LRRC28: variants seen among roughly 807,000 people sequenced by gnomAD.
The protein encoded by LRRC28 is leucine-rich repeat-containing protein 28.
Under a neutral mutation model 45.7 loss-of-function variants are expected in LRRC28, and 39 were observed. The ratio of observed to expected loss-of-function variants is 0.85; its 90% CI spans 0.66 to 1.12. The LOEUF (loss-of-function observed/expected upper bound fraction) is 1.12. Ranked by LOEUF, LRRC28 falls within the 50% of genes most tolerant of loss-of-function variation. The pLI, the probability that LRRC28 is intolerant of heterozygous loss-of-function variation, is 0.00. For synonymous variants in LRRC28, 206 were observed against 178.8 expected (o/e 1.15, Z -1.22); for missense variants, 435 against 438.5 (o/e 0.99, Z 0.07).
chr15:99,341,215 C>T (rs545116243), intron 6 of LRRC28, among the ~76,000 whole-genome samples: 3 of 151,752 alleles, frequency 2.0e-5, no homozygotes, highest in South Asian at 2.1e-4. Flanking sequence ...CTCAGCCTCC[C>T]GAGTAGCTGG....
intron 5 of LRRC28, among the ~76,000 whole-genome samples, chr15:99,288,854 A>G (rs995542653): frequency 1.3e-5 from 2 of 150,894 alleles, no homozygotes; most frequent in African/African-American, 4.9e-5. Context: ...TAATTTTTGT[A>G]TTTTTTGTAG....
chr15:99,349,649 A>G (rs993378702), intron 6 of LRRC28, among the ~76,000 whole-genome samples: 9 of 152,248 alleles, frequency 5.9e-5, no homozygotes, highest in African/African-American at 2.2e-4. Flanking sequence ...GATAGCTGAC[A>G]AACTGAGAGA....
intron 6 of LRRC28, among the ~76,000 whole-genome samples, chr15:99,348,585 ACT>A (rs961283360): frequency 6.0e-5 from 9 of 151,090 alleles, no homozygotes; most frequent in African/African-American, 2.2e-4. Context: ...TCATTTCTGG[ACT>A]CTCTGTTCTG....
chr15:99,271,181 A>T lies in LRRC28; in HGVS notation c.169-5395A>T, dbSNP rs528775514. ...ATGCTAGACCTTTGCCAGATATATGATTTGTAAGTATTTTCTCCCATTCTG... is the reference window on the plus strand; with the variant it reads ...ATGCTAGACCTTTGCCAGATATATGTTTTGTAAGTATTTTCTCCCATTCTG... On this transcript the variant is annotated intron_variant, in intron 2 of 9. Coordinates refer to ENST00000301981, the MANE Select transcript of LRRC28 (RefSeq NM_144598.5). Among the ~76,000 whole-genome samples, 6 of 151,994 alleles carry T rather than the reference A, an allele frequency of 3.9e-5. No homozygotes were observed. The East Asian group carries it at 5.8e-4, about 15-fold the overall frequency.
Position 99,314,216 on chromosome 15 carries a change from A to G in LRRC28, c.386-19707A>G, listed in dbSNP as rs192092931. Among the ~76,000 whole-genome samples, 416 of 152,194 alleles carry G rather than the reference A, an allele frequency of 2.7e-3. 4 individuals carry two copies. Among genetic ancestry groups the G allele is most frequent in the African/African-American group, 9.3e-3 (388 of 41,526 alleles). On this transcript the variant is annotated intron_variant, in intron 5 of 9. Coordinates refer to ENST00000301981, the MANE Select transcript of LRRC28 (RefSeq NM_144598.5). Reference sequence around the variant, plus strand: ...TCCTAGCACTCTGAGAGGCTGAGGCAGGTGGATCACTTGAATCTAGGAGTT... The same window carrying G: ...TCCTAGCACTCTGAGAGGCTGAGGCGGGTGGATCACTTGAATCTAGGAGTT...
chr15:99,252,538 C>G (rs149867726), intron 1 of LRRC28, among the ~76,000 whole-genome samples: 1 of 152,310 alleles, frequency 6.6e-6, no homozygotes, highest in African/African-American at 2.4e-5. Context: ...GCTTTGTAGT[C>G]AGTCCACCTG....
intron 7 of LRRC28, among the ~76,000 whole-genome samples, chr15:99,357,795 G>T (rs1315093838): frequency 3.3e-5 from 5 of 152,044 alleles, no homozygotes; most frequent in Non-Finnish European, 7.4e-5. Flanking sequence ...TATGTTAAGA[G>T]AAACTTTTGA....
chr15:99,285,915 T>C (rs942183787), intron 3 of LRRC28: 1 of 229,434 alleles, frequency 4.4e-6, no homozygotes, highest in African/African-American at 2.3e-5. Flanking sequence ...TATCATAGAG[T>C]AAATGGTGGG....
At chr15:99,361,637 T>A in intron 8 of LRRC28, 126 bp downstream of exon 8, 1 of 876,666 alleles carries the variant, frequency 1.1e-6, no homozygotes, top group Non-Finnish European at 1.7e-6. Flanking sequence ...AACACGAAAG[T>A]AACCATTTTA....
At chr15:99,278,578 C>T (rs2081686241) in intron 3 of LRRC28, among the ~76,000 whole-genome samples, 1 of 152,226 alleles carries the variant, frequency 6.6e-6, no homozygotes, top group Non-Finnish European at 1.5e-5. Flanking sequence ...CTGGGAATGC[C>T]TCTAGGGTTT....
At chr15:99,323,191 G>C (rs1955858876) in intron 5 of LRRC28, among the ~76,000 whole-genome samples, 1 of 152,098 alleles carries the variant, frequency 6.6e-6, no homozygotes, top group Non-Finnish European at 1.5e-5. Context: ...TTGGCTCCCT[G>C]GTCTGTGAGC....
At chr15:99,311,165 G>T (rs530567496) in intron 5 of LRRC28, among the ~76,000 whole-genome samples, 37 of 152,266 alleles carry the variant, frequency 2.4e-4, no homozygotes, top group Admixed American at 2.0e-3. Context: ...GGTCTTTTCT[G>T]TCTTGGGGAC....
chr15:99,352,472 G>C lies in LRRC28; in HGVS notation c.695+1G>C. ...ACAATAAAGTCATCGGGTGCAGTGG[G>C]TAAGGCCGATTTCACATTTTGAACT... On this transcript the variant is annotated splice_donor_variant, in intron 7 of 9. Coordinates refer to ENST00000301981, the MANE Select transcript of LRRC28 (RefSeq NM_144598.5). LOFTEE classifies it high-confidence loss of function. The C allele has an allele frequency of 6.2e-7, 1 of 1,604,000 alleles. No homozygotes were observed. The highest frequency in any genetic ancestry group is 8.5e-7 in the Non-Finnish European group (1 of 1,175,264).
chr15:99,306,169 C>T (rs969821220), intron 5 of LRRC28, among the ~76,000 whole-genome samples: 21 of 152,080 alleles, frequency 1.4e-4, no homozygotes, highest in African/African-American at 4.1e-4. Context: ...CTAATGATGC[C>T]GAGGCATTTC....
chr15:99,260,495 G>A (rs1473395958), intron 2 of LRRC28, among the ~76,000 whole-genome samples: 4 of 152,082 alleles, frequency 2.6e-5, no homozygotes, highest in Admixed American at 1.3e-4. Flanking sequence ...TCTTAGCTGC[G>A]ATATTTGATT....
chr15:99,258,573 CAG>C (rs1239113334), intron 2 of LRRC28: 1 of 743,806 alleles, frequency 1.3e-6, no homozygotes, highest in African/African-American at 1.7e-5. Context: ...AGAAGAAAAA[CAG>C]AAACCAAAGA....
intron 5 of LRRC28, among the ~76,000 whole-genome samples, chr15:99,306,543 G>C (rs1481694355): frequency 6.6e-6 from 1 of 152,038 alleles, no homozygotes; most frequent in Non-Finnish European, 1.5e-5. Context: ...GCTCTCTCTT[G>C]GTTAAGTAAT....
chr15:99,334,366 TATATG>T (rs545746936), intron 6 of LRRC28, among the ~76,000 whole-genome samples: 65 of 151,906 alleles, frequency 4.3e-4, no homozygotes, highest in African/African-American at 1.5e-3. Flanking sequence ...AGGGATAAAA[TATATG>T]AGATGATTTC....
intron 7 of LRRC28, among the ~76,000 whole-genome samples, chr15:99,357,034 C>T (rs1379878233): frequency 6.6e-6 from 1 of 152,176 alleles, no homozygotes; most frequent in African/African-American, 2.4e-5. Flanking sequence ...AGTTTCTTTC[C>T]ATCTCCATAT....
Sources: allele counts gnomAD v4.1 joint callset (sites outside exome capture counted in the v4.1 genomes callset), GRCh38; gene constraint gnomAD v4.1.1; transcripts MANE v1.5; gene names NCBI Gene and HGNC (gene_info 2026-07-23, HGNC 2026-07-21).